AFDN: variants seen among roughly 807,000 people sequenced by gnomAD.
The protein encoded by AFDN is afadin.
A neutral mutation model predicts 216.6 loss-of-function variants in AFDN; 68 were observed. The ratio of observed to expected loss-of-function variants is 0.31; its 90% CI spans 0.26 to 0.38. The LOEUF (loss-of-function observed/expected upper bound fraction) is 0.38. Among genes scored for constraint, AFDN ranks in the 10% least tolerant of loss-of-function variants. The pLI is 1.00. For synonymous variants in AFDN, 868 were observed against 853.7 expected (o/e 1.02, Z -0.29); for missense variants, 2,136 against 2,342.0 (o/e 0.91, Z 1.82).
intron 12 of AFDN, among the ~76,000 whole-genome samples, chr6:167,906,064 C>G (rs1789639163): frequency 6.6e-6 from 1 of 152,172 alleles, no homozygotes; most frequent in Non-Finnish European, 1.5e-5. Context: ...GATCGCGCCA[C>G]TGCACTCCAG....
chr6:167,951,466 TGCCTCCGCC>T lies in AFDN; in HGVS notation c.4113_4121del (p.Pro1377_Pro1379del), dbSNP rs758521786. 2.5e-6 allele frequency: 4 copies of T among 1,614,066 alleles called. No individual in the cohort carries two copies. The highest frequency in any genetic ancestry group is 1.6e-4 in the Middle Eastern group (1 of 6,062). ...GTCTCCCAGCCAATCCGAACAGACC[TGCCTCCGCC>T]ACCCCCGCCACCTCCAGTCCACTAT... On this transcript the variant is annotated inframe_deletion, in exon 30 of 34. Coordinates refer to ENST00000683244, the MANE Select transcript of AFDN (RefSeq NM_001386888.1). The surrounding 1 kb of genome is among the most constrained non-coding windows in gnomAD (Gnocchi z 7.1).
chr6:167,827,548 G>A (rs1367990367), intron 1 of AFDN: 1 of 144,774 alleles, frequency 6.9e-6, no homozygotes, highest in African/African-American at 2.5e-5. Context: ...CCACCCCCGC[G>A]AGCGCGGCGC....
chr6:167,928,664 T>C (rs149699380), intron 23 of AFDN, among the ~76,000 whole-genome samples: 1 of 152,314 alleles, frequency 6.6e-6, no homozygotes, highest in Non-Finnish European at 1.5e-5. Context: ...AGGGAGCCCA[T>C]GCTGCTTGAA....
chr6:167,912,480 A>G (rs2128460006), intron 15 of AFDN, among the ~76,000 whole-genome samples: 1 of 152,284 alleles, frequency 6.6e-6, no homozygotes, highest in South Asian at 2.1e-4. Context: ...TTTCTTTTAT[A>G]TTTGAGTGAT....
Position 167,965,846 on chromosome 6 carries a change from G to A in AFDN, c.5058G>A (p.Glu1686=), listed in dbSNP as rs1351101841. ...DEAARRLLEP[E]APGLCRPPLP... is the part of the protein sequence containing the mutation. ...CGGCGCGCAGGTTGCTGGAGCCCGAGGCGCCCGGTCTGTGCCGCCCTCCGC... is the reference window on the plus strand; with the variant it reads ...CGGCGCGCAGGTTGCTGGAGCCCGAAGCGCCCGGTCTGTGCCGCCCTCCGC... Residue 1686 remains glutamate, a synonymous_variant, in exon 32 of 34, where the codon GAG becomes GAA. Coordinates refer to ENST00000683244, the MANE Select transcript of AFDN (RefSeq NM_001386888.1). 5 of 1,550,228 alleles carry A rather than the reference G, an allele frequency of 3.2e-6. No individual in the cohort carries two copies. The highest frequency in any genetic ancestry group is 1.7e-4 in the Middle Eastern group (1 of 5,902).
chr6:167,887,840 C>T (rs376330934), intron 6 of AFDN, among the ~76,000 whole-genome samples: 4 of 151,982 alleles, frequency 2.6e-5, no homozygotes, highest in African/African-American at 9.7e-5. Flanking sequence ...TAAATTTTCT[C>T]CTTGTTAGAT....
chr6:167,956,114 CAAAAAAAA>C lies in AFDN; in HGVS notation c.4833+3946_4833+3953del, dbSNP rs59521151. Among the ~76,000 whole-genome samples the C allele has an allele frequency of 9.2e-4, 38 of 41,296 alleles. No individual in the cohort carries two copies. The South Asian group carries it at 0.011, about 12-fold the overall frequency. 27.1% of individuals were successfully genotyped at this position (41,296 alleles called of 152,430 possible). Reference sequence around the variant, plus strand: ...TGGGGAACAGAGCGAGACTTTGGCTCAAAAAAAAAAAAAAAAAAAAAAAAAACTATAGA... The same window carrying C: ...TGGGGAACAGAGCGAGACTTTGGCTCAAAAAAAAAAAAAAAAAACTATAGA... On this transcript the variant is annotated intron_variant, in intron 30 of 33. Transcript: ENST00000683244.
At chr6:167,937,165 G>GA (rs1359260881) in intron 23 of AFDN, among the ~76,000 whole-genome samples, 1 of 152,186 alleles carries the variant, frequency 6.6e-6, no homozygotes, top group East Asian at 1.9e-4. Flanking sequence ...AAATGTCCAT[G>GA]AAGCAGAGCA....
At chr6:167,891,404 GGTGGGTGTGTGTGTGTGTGTGTGT>G (rs1460947266) in intron 8 of AFDN, among the ~76,000 whole-genome samples, 5 of 138,072 alleles carry the variant, frequency 3.6e-5, no homozygotes, top group Non-Finnish European at 6.2e-5. Flanking sequence ...TTCATAAAGG[GGTGGGTGTGTGTGTGTGTGTGTGT>G]GTGTGTGTGT....
At chr6:167,898,799 A>G (rs981707875) in intron 11 of AFDN, among the ~76,000 whole-genome samples, 7 of 152,234 alleles carry the variant, frequency 4.6e-5, no homozygotes, top group African/African-American at 1.7e-4. Context: ...AGATTATAAA[A>G]TTTTTTGAAG....
In AFDN at chr6:167,935,377, A is replaced by T. The variant is rs537372265; in HGVS notation, c.3100-7752A>T. Among the ~76,000 whole-genome samples, 108 of 152,354 alleles carry T rather than the reference A, an allele frequency of 7.1e-4. 1 individual carries two copies. Among genetic ancestry groups the T allele is most frequent in the Middle Eastern group, 3.4e-3 (1 of 294 alleles). ...ACGCTGAAATTGCATTGAAGGGCAC[A>T]AAGGCTGGACATAGCAGTGTGGGCG... On this transcript the variant is annotated intron_variant, in intron 23 of 33. Coordinates refer to ENST00000683244, the MANE Select transcript of AFDN (RefSeq NM_001386888.1).
chr6:167,902,381 A>G lies in AFDN; in HGVS notation c.1645A>G (p.Ser549Gly). Reference sequence around the variant, plus strand: ...TCATAGTGGGACAGCATTACCGACAAGCAAGGTAGGTAATTATGGATTACC... The same window carrying G: ...TCATAGTGGGACAGCATTACCGACAGGCAAGGTAGGTAATTATGGATTACC... The part of the protein sequence containing the change: ...DIHSGTALPT[S>G]KSTTRLDSDR... Residue 549 changes from serine to glycine, a missense_variant, in exon 12 of 34, where the codon AGC (serine) becomes GGC (glycine). Coordinates refer to ENST00000683244, the MANE Select transcript of AFDN (RefSeq NM_001386888.1). 4 of 1,610,708 alleles carry G rather than the reference A, an allele frequency of 2.5e-6. No individual in the cohort carries two copies. Among genetic ancestry groups the G allele is most frequent in the Non-Finnish European group, 3.4e-6 (4 of 1,177,338 alleles).
intron 3 of AFDN, among the ~76,000 whole-genome samples, chr6:167,870,735 C>G (rs144057283): frequency 6.6e-5 from 10 of 152,156 alleles, no homozygotes; most frequent in African/African-American, 2.4e-4. Flanking sequence ...TTTATGTAAA[C>G]TCGTTACTGT....
chr6:167,971,630 A>G lies in AFDN; in HGVS notation c.*1695A>G, dbSNP rs1798031384. 1 of 193,520 alleles carries G rather than the reference A, an allele frequency of 5.2e-6. No individual in the cohort carries two copies. The highest frequency in any genetic ancestry group is 6.1e-5 in the Admixed American group (1 of 16,354). The allele number at this position is 193,520 out of a possible 1,614,324, so 12.0% of individuals were successfully genotyped here. A position where few individuals can be genotyped will look rare whatever the true frequency, so the allele number is the denominator to read the frequency against. Reference sequence around the variant, plus strand: ...GACTAAATCCACACTTTCTTTAAAGAGATGCAGATGAATTACTTTTCTGTT... The same window carrying G: ...GACTAAATCCACACTTTCTTTAAAGGGATGCAGATGAATTACTTTTCTGTT... On this transcript the variant is annotated 3_prime_UTR_variant, in exon 34 of 34. Coordinates refer to ENST00000683244, the MANE Select transcript of AFDN (RefSeq NM_001386888.1).
rs201064996 is a variant in AFDN at position 167,961,078 on chromosome 6, A to AAT, written c.4834-1353_4834-1352dup. 8.3e-3 allele frequency among the ~76,000 whole-genome samples: 1,260 copies of AAT among 152,234 alleles called. 21 individuals are homozygous for AAT. The highest frequency in any genetic ancestry group is 0.028 in the African/African-American group (1,174 of 41,528). ...AAGTTGATTTTTATTTAAAAAAAAAAATACATACAAAATCAATTCAAATTC... is the reference window on the plus strand; with the variant it reads ...AAGTTGATTTTTATTTAAAAAAAAAAATATACATACAAAATCAATTCAAATTC... On this transcript the variant is annotated intron_variant, in intron 30 of 33. Coordinates refer to ENST00000683244, the MANE Select transcript of AFDN (RefSeq NM_001386888.1).
intron 6 of AFDN, among the ~76,000 whole-genome samples, chr6:167,887,250 G>GT (rs1036259821): frequency 6.6e-6 from 1 of 151,922 alleles, no homozygotes; most frequent in Admixed American, 6.6e-5. Context: ...GGGTTTTAAA[G>GT]TTATAAAAGC....
intron 1 of AFDN, among the ~76,000 whole-genome samples, chr6:167,829,315 C>T (rs986266069): frequency 5.3e-5 from 8 of 152,052 alleles, no homozygotes; most frequent in Admixed American, 1.3e-4. Flanking sequence ...TTATTCTGGT[C>T]CTAGTTAAGC....
At chr6:167,929,939 T>C (rs1423888702) in intron 23 of AFDN, among the ~76,000 whole-genome samples, 1 of 152,234 alleles carries the variant, frequency 6.6e-6, no homozygotes, top group East Asian at 1.9e-4. Flanking sequence ...CCATGGCTCA[T>C]GCCTATAATC....
rs143827994 is a variant in AFDN at position 167,918,608 on chromosome 6, C to CTGTG, written c.2710-113_2710-110dup. 331 of 793,594 alleles carry CTGTG rather than the reference C, an allele frequency of 4.2e-4. No homozygotes were observed. The African/African-American group carries it at 4.5e-3, about 11-fold the overall frequency. The allele number at this position is 793,594 out of a possible 1,614,324, so 49.2% of individuals were successfully genotyped here. A position where few individuals can be genotyped will look rare whatever the true frequency, so the allele number is the denominator to read the frequency against. ...GCTCCCTCCGTAACCCTGCGTCTGTCTGTGTGTGTGTGTGTGTCTGTGAGA... is the reference window on the plus strand; with the variant it reads ...GCTCCCTCCGTAACCCTGCGTCTGTCTGTGTGTGTGTGTGTGTGTGTCTGTGAGA... On this transcript the variant is annotated intron_variant, in intron 20 of 33. Coordinates refer to ENST00000683244, the MANE Select transcript of AFDN (RefSeq NM_001386888.1).
Sources: gnomAD v4.1 joint callset for allele counts (sites outside exome capture counted in the v4.1 genomes callset) on GRCh38, gnomAD v4.1.1 for gene constraint, Gnocchi (gnomAD v3.1) non-coding constraint, MANE v1.5 for transcripts, NCBI Gene and HGNC (gene_info 2026-07-23, HGNC 2026-07-21) for gene names.